The following SGTA variants were observed in gnomAD, a reference collection of about 807,000 sequenced individuals.
SGTA encodes the protein small glutamine rich tetratricopeptide repeat co-chaperone alpha, also known as small glutamine-rich tetratricopeptide repeat-containing protein alpha.
SGTA carries 22 observed loss-of-function variants against 44.3 expected under a neutral mutation model. The ratio of observed to expected loss-of-function variants is 0.50; its 90% CI spans 0.36 to 0.71. The LOEUF (loss-of-function observed/expected upper bound fraction) is 0.71, where lower values mean the gene tolerates loss of function less well. SGTA is among the 30% of genes least tolerant of loss of function. The pLI is 0.00. For synonymous variants in SGTA, 174 were observed against 177.6 expected (o/e 0.98, Z 0.16); for missense variants, 341 against 435.9 (o/e 0.78, Z 1.94).
intron 1 of SGTA, among the ~76,000 whole-genome samples, chr19:2,772,047 C>T (rs1915323441): frequency 6.6e-6 from 1 of 152,256 alleles, no homozygotes; most frequent in African/African-American, 2.4e-5. Context: ...TGTCACCGGC[C>T]TTCCTCCGGG....
chr19:2,757,308 C>G, intron 11 of SGTA, 29 bp downstream of exon 11: 1 of 1,592,206 alleles, frequency 6.3e-7, no homozygotes, highest in Non-Finnish European at 8.5e-7. Context: ...CTGCTGGCCA[C>G]CCCCCAGCCC....
intron 1 of SGTA, among the ~76,000 whole-genome samples, chr19:2,779,042 G>T (rs1307975012): frequency 6.6e-6 from 1 of 152,102 alleles, no homozygotes; most frequent in East Asian, 1.9e-4. Flanking sequence ...AGCACCCCTG[G>T]CTCCCCCCAC....
chr19:2,777,216 A>T (rs1473661294), intron 1 of SGTA, among the ~76,000 whole-genome samples: 1 of 150,566 alleles, frequency 6.6e-6, no homozygotes, highest in Non-Finnish European at 1.5e-5. Flanking sequence ...GCACTACTGT[A>T]CTCCAGCCTG....
chr19:2,773,849 C>G lies in SGTA; in HGVS notation c.-23-4758G>C, dbSNP rs866594763. Among the ~76,000 whole-genome samples, 42 of 68,740 alleles carry G rather than the reference C, an allele frequency of 6.1e-4. 2 individuals are homozygous for G. Among genetic ancestry groups the G allele is most frequent in the African/African-American group, 3.6e-3 (37 of 10,366 alleles). The allele number at this position is 68,740 out of a possible 152,430, so 45.1% of individuals were successfully genotyped here. ...GGCAGAGGTGGGTGACGCGGCCACA[C>G]GGCAGGGACACCGAGGGCAGAGGTG... On this transcript the variant is annotated intron_variant, in intron 1 of 11. Coordinates refer to ENST00000221566, the MANE Select transcript of SGTA (RefSeq NM_003021.4).
In SGTA at chr19:2,763,763, GA is replaced by G; in HGVS notation, c.393-7del. The G allele has an allele frequency of 6.2e-7, 1 of 1,612,128 alleles. No homozygotes were observed. Among genetic ancestry groups the G allele is most frequent in the South Asian group, 1.1e-5 (1 of 90,728 alleles). ...GTTTGCTGTAGGCTGCGGCTCTGGG[GA>G]AGAAAAGGCAGGGCAGGTCCCTCAC... On this transcript the variant is annotated splice_polypyrimidine_tract_variant and splice_region_variant and intron_variant, in intron 5 of 11. Transcript: ENST00000221566. The surrounding 1 kb of genome is among the most constrained non-coding windows in gnomAD (Gnocchi z 5.8).
At chr19:2,757,997 G>C in intron 9 of SGTA, among the ~76,000 whole-genome samples, 1 of 152,182 alleles carries the variant, frequency 6.6e-6, no homozygotes, top group East Asian at 1.9e-4. Context: ...TTGGCCTAAA[G>C]AGCGTAGTTC....
rs577745810 is a variant in SGTA at position 2,756,249 on chromosome 19, A to T, written c.*7-316T>A. On this transcript the variant is annotated intron_variant, in intron 11 of 11. Coordinates refer to ENST00000221566, the MANE Select transcript of SGTA (RefSeq NM_003021.4). ...GAAAAATAAATAAAAGCTTATTTAA[A>T]AAAAAAAGGGAAGACTGGAAGAAAA... 2.0e-5 allele frequency among the ~76,000 whole-genome samples: 3 copies of T among 152,250 alleles called. No individual in the cohort carries two copies. The East Asian group carries it at 5.8e-4, about 29-fold the overall frequency.
chr19:2,763,548 A>C lies in SGTA; in HGVS notation c.497+105T>G. The C allele has an allele frequency of 4.1e-6, 3 of 726,380 alleles. No homozygotes were observed. The highest frequency in any genetic ancestry group is 6.9e-6 in the Non-Finnish European group (3 of 437,244). The allele number at this position is 726,380 out of a possible 1,614,324, so 45.0% of individuals were successfully genotyped here. A position where few individuals can be genotyped will look rare whatever the true frequency, so the allele number is the denominator to read the frequency against. On this transcript the variant is annotated intron_variant, in intron 6 of 11. Coordinates refer to ENST00000221566, the MANE Select transcript of SGTA (RefSeq NM_003021.4). This position sits in a 1 kb window ranked among gnomAD's most constrained non-coding sequence, Gnocchi z 5.8. ...CAGAGTTGAACTGAACCGGGGTGGGAGAATTCGTTGTGGGTGGGAAAAAAG... is the reference window on the plus strand; with the variant it reads ...CAGAGTTGAACTGAACCGGGGTGGGCGAATTCGTTGTGGGTGGGAAAAAAG...
intron 5 of SGTA, among the ~76,000 whole-genome samples, chr19:2,764,816 C>T (rs1408495515): frequency 6.6e-6 from 1 of 152,156 alleles, no homozygotes; most frequent in Non-Finnish European, 1.5e-5. Flanking sequence ...TCCCCCCCGC[C>T]TCAGCCTCCC....
At chr19:2,764,867 C>A (rs1376044820) in intron 5 of SGTA, among the ~76,000 whole-genome samples, 1 of 152,114 alleles carries the variant, frequency 6.6e-6, no homozygotes, top group Non-Finnish European at 1.5e-5. Context: ...GCGCCTGGCC[C>A]CCAGACTAAT....
At chr19:2,758,620 G>A (rs988905370) in intron 9 of SGTA, among the ~76,000 whole-genome samples, 3 of 152,108 alleles carry the variant, frequency 2.0e-5, no homozygotes, top group Non-Finnish European at 4.4e-5. Context: ...ATGAGCCAGC[G>A]AGTGCACTCA....
intron 11 of SGTA, among the ~76,000 whole-genome samples, chr19:2,757,014 A>C (rs1914837495): frequency 6.6e-6 from 1 of 152,128 alleles, no homozygotes; most frequent in Non-Finnish European, 1.5e-5. Context: ...GGCCTTAGGC[A>C]GGGGGGACCC....
At position 2,765,065 on chromosome 19, in the gene SGTA, C is replaced by T. The variant is rs897280411; in HGVS notation, c.392+121G>A. 1.9e-5 allele frequency: 13 copies of T among 690,256 alleles called. No individual in the cohort carries two copies. Among genetic ancestry groups the T allele is most frequent in the Admixed American group, 4.6e-5 (2 of 43,530 alleles). 42.8% of individuals were successfully genotyped at this position (690,256 alleles called of 1,614,324 possible). A position where few individuals can be genotyped will look rare whatever the true frequency, so the allele number is the denominator to read the frequency against. On this transcript the variant is annotated intron_variant, in intron 5 of 11. Coordinates refer to ENST00000221566, the MANE Select transcript of SGTA (RefSeq NM_003021.4). This position sits in a 1 kb window ranked among gnomAD's most constrained non-coding sequence, Gnocchi z 5.5. ...ATGCTCGCTCCTGGTCTGAGACCAC[C>T]GGTGAATGGATCCCTCATCTACAGC...
chr19:2,755,775 T>C lies in SGTA; in HGVS notation c.*165A>G, dbSNP rs1914804905. ...CTGTAAGGGAGTTACAAAAAGGGAG[T>C]GGAGGAGGGCAGAGATAAAAGGGGA... On this transcript the variant is annotated 3_prime_UTR_variant, in exon 12 of 12. Coordinates refer to ENST00000221566, the MANE Select transcript of SGTA (RefSeq NM_003021.4). This position sits in a 1 kb window ranked among gnomAD's most constrained non-coding sequence, Gnocchi z 5.2. 1 of 984,396 alleles carries C rather than the reference T, an allele frequency of 1.0e-6. No individual in the cohort carries two copies. The highest frequency in any genetic ancestry group is 1.2e-6 in the Non-Finnish European group (1 of 829,756). The allele number at this position is 984,396 out of a possible 1,614,324, so 61.0% of individuals were successfully genotyped here. A position where few individuals can be genotyped will look rare whatever the true frequency, so the allele number is the denominator to read the frequency against.
At position 2,767,002 on chromosome 19, in the gene SGTA, A is replaced by T; in HGVS notation, c.292+134T>A. 1 of 720,306 alleles carries T rather than the reference A, an allele frequency of 1.4e-6. No individual in the cohort carries two copies. The allele number at this position is 720,306 out of a possible 1,614,324, so 44.6% of individuals were successfully genotyped here. On this transcript the variant is annotated intron_variant, in intron 4 of 11. Coordinates refer to ENST00000221566, the MANE Select transcript of SGTA (RefSeq NM_003021.4). This position sits in a 1 kb window ranked among gnomAD's most constrained non-coding sequence, Gnocchi z 7.3. ...TCCCCCTTCCGTCCCCGTCCCCACA[A>T]GCCAGCGTGCTGGTCATCAGGGCAA...
intron 1 of SGTA, among the ~76,000 whole-genome samples, 184 bp from the exon 2 acceptor site, chr19:2,769,275 A>C (rs1401841328): frequency 6.6e-6 from 1 of 152,168 alleles, no homozygotes; most frequent in Non-Finnish European, 1.5e-5. Context: ...CCCAGAGCTC[A>C]CCAATCCGGC....
rs1467982735 is a variant in SGTA, at chr19:2,761,928, C to T, written c.637-406G>A. Among the ~76,000 whole-genome samples the T allele has an allele frequency of 1.3e-5, 2 of 151,128 alleles. No individual in the cohort carries two copies. Among genetic ancestry groups the T allele is most frequent in the East Asian group, 2.0e-4 (1 of 5,064 alleles). Reference sequence around the variant, plus strand: ...CCGGGGACGGCACAGTCTATCATCCCGTGTTGATTTCCTGTATTCTGCCGC... The same window carrying T: ...CCGGGGACGGCACAGTCTATCATCCTGTGTTGATTTCCTGTATTCTGCCGC... On this transcript the variant is annotated intron_variant, in intron 7 of 11. Transcript: ENST00000221566. The surrounding 1 kb of genome is among the most constrained non-coding windows in gnomAD (Gnocchi z 5.7).
chr19:2,774,658 C>G (rs1315826985), intron 1 of SGTA, among the ~76,000 whole-genome samples: 2 of 152,100 alleles, frequency 1.3e-5, no homozygotes, highest in African/African-American at 4.8e-5. Context: ...ACTTCGCAGA[C>G]CTAGAACGTC....
At chr19:2,760,521 A>T (rs1189164055) in intron 8 of SGTA, among the ~76,000 whole-genome samples, 4 of 144,458 alleles carry the variant, frequency 2.8e-5, no homozygotes, top group Non-Finnish European at 6.0e-5. Context: ...CCATCTCAAA[A>T]AAAAAAAAAA....
Sources: gnomAD v4.1 joint callset for allele counts (sites outside exome capture counted in the v4.1 genomes callset) on GRCh38, gnomAD v4.1.1 for gene constraint, Gnocchi (gnomAD v3.1) non-coding constraint, MANE v1.5 for transcripts, NCBI Gene and HGNC (gene_info 2026-07-23, HGNC 2026-07-21) for gene names.